CIMIP2A: variants seen among roughly 807,000 people sequenced by gnomAD.
The protein encoded by CIMIP2A is ciliary microtubule inner protein 2A.
chr9:137,244,462 G>A, the CIMIP2A span: 11 of 1,501,306 alleles, frequency 7.3e-6, no homozygotes, highest in Non-Finnish European at 9.8e-6. Context: ...AGGGATCCAA[G>A]CAAGACTCAG....
the CIMIP2A span, chr9:137,252,435 A>AGAGGGCG: frequency 6.2e-7 from 1 of 1,609,608 alleles, no homozygotes; most frequent in South Asian, 1.1e-5. Context: ...CTCCAACTAC[A>AGAGGGCG]GAGGGCGGTG....
the CIMIP2A span, chr9:137,245,001 C>G: frequency 6.2e-7 from 1 of 1,609,050 alleles, no homozygotes; most frequent in Non-Finnish European, 8.5e-7. Flanking sequence ...AAGTGGGCCC[C>G]TGTGGCAGCC....
chr9:137,245,322 G>A, the CIMIP2A span: 1 of 1,590,578 alleles, frequency 6.3e-7, no homozygotes, highest in Admixed American at 1.7e-5. Context: ...GCTGCCTGGG[G>A]GCCTCGCAAA....
the CIMIP2A span, chr9:137,243,647 G>C: frequency 5.0e-6 from 8 of 1,613,874 alleles, no homozygotes; most frequent in African/African-American, 8.0e-5. Context: ...GTGTGCACTT[G>C]CTGTTTTCCC....
chr9:137,248,435 C>A, the CIMIP2A span, among the ~76,000 whole-genome samples: 1 of 150,328 alleles, frequency 6.7e-6, no homozygotes, highest in Non-Finnish European at 1.5e-5. Context: ...CCCAGCTACT[C>A]GGGAGGCTGA....
chr9:137,253,196 G>C, the CIMIP2A span: 2 of 1,609,420 alleles, frequency 1.2e-6, no homozygotes, highest in Non-Finnish European at 1.7e-6. Flanking sequence ...GTCATCCAGG[G>C]TGTACGCAGA....
the CIMIP2A span, chr9:137,251,676 T>G: frequency 6.6e-7 from 1 of 1,525,158 alleles, no homozygotes; most frequent in Non-Finnish European, 8.8e-7. Flanking sequence ...GGGGACAGGC[T>G]GTGGGGCATG....
chr9:137,245,954 TAGC>T, the CIMIP2A span: 3 of 985,388 alleles, frequency 3.0e-6, no homozygotes, highest in Admixed American at 6.5e-5. Context: ...GCTGGCCACT[TAGC>T]AGCAGGTTGG....
chr9:137,244,691 T>C, the CIMIP2A span: 1 of 1,613,764 alleles, frequency 6.2e-7, no homozygotes, highest in African/African-American at 1.3e-5. Flanking sequence ...GTCTCGGTAA[T>C]TCAACCCCAT....
the CIMIP2A span, chr9:137,251,370 G>A: frequency 1.2e-6 from 2 of 1,613,324 alleles, no homozygotes; most frequent in South Asian, 2.2e-5. Flanking sequence ...ATGGTCACCT[G>A]AGGCAGACAC....
At chr9:137,244,790 G>GC in the CIMIP2A span, 1 of 1,594,490 alleles carries the variant, frequency 6.3e-7, no homozygotes. Context: ...CTTCCCCTGG[G>GC]CACACCCACC....
the CIMIP2A span, among the ~76,000 whole-genome samples, chr9:137,248,403 T>C: frequency 1.1e-4 from 16 of 151,588 alleles, no homozygotes; most frequent in East Asian, 3.1e-3. Flanking sequence ...ATTAGCCAGG[T>C]GCGGTGGCGT....
chr9:137,250,033 T>C, the CIMIP2A span, among the ~76,000 whole-genome samples: 1 of 152,122 alleles, frequency 6.6e-6, no homozygotes, highest in Non-Finnish European at 1.5e-5. Context: ...CTGTGGGATC[T>C]GACACCATCT....
chr9:137,244,988 GA>G, the CIMIP2A span: 82 of 1,607,594 alleles, frequency 5.1e-5, no homozygotes, highest in Non-Finnish European at 6.9e-5. Flanking sequence ...TCTGGAGCAG[GA>G]AAAGTGGGCC....
the CIMIP2A span, among the ~76,000 whole-genome samples, chr9:137,248,780 A>T: frequency 6.6e-6 from 1 of 152,128 alleles, no homozygotes; most frequent in African/African-American, 2.4e-5. Context: ...AGGTGGGAGG[A>T]TGGCCAGAGC....
the CIMIP2A span, chr9:137,252,235 C>G: frequency 2.0e-6 from 3 of 1,484,016 alleles, no homozygotes; most frequent in Non-Finnish European, 2.7e-6. Context: ...CCTGAGGGCC[C>G]CTCCACCCTT....
chr9:137,247,803 T>C, the CIMIP2A span: 1 of 1,332,360 alleles, frequency 7.5e-7, no homozygotes, highest in South Asian at 1.2e-5. Context: ...GGGCAACCAT[T>C]GTGAGGGGCC....
chr9:137,249,573 A>G, the CIMIP2A span, among the ~76,000 whole-genome samples: 1 of 152,152 alleles, frequency 6.6e-6, no homozygotes, highest in African/African-American at 2.4e-5. Flanking sequence ...GGACGCTAAC[A>G]TTCTCACCTT....
At chr9:137,244,699 C>T in the CIMIP2A span, 2 of 1,613,738 alleles carry the variant, frequency 1.2e-6, no homozygotes, top group South Asian at 1.1e-5. Context: ...AATTCAACCC[C>T]ATTACCCAGG....
Sources: gnomAD v4.1 joint callset for allele counts (sites outside exome capture counted in the v4.1 genomes callset) on GRCh38, gnomAD v4.1.1 for gene constraint, MANE v1.5 for transcripts, NCBI Gene and HGNC (gene_info 2026-07-23, HGNC 2026-07-21) for gene names.